The following C5AR2 variants were observed in gnomAD, a reference collection of about 807,000 sequenced individuals.
The protein encoded by C5AR2 is C5a anaphylatoxin chemotactic receptor 2.
For missense variants in C5AR2, 458 were observed against 467.5 expected, an observed-to-expected ratio of 0.98 and a Z score of 0.19; for synonymous variants, 224 against 216.5, an observed-to-expected ratio of 1.03 and a Z score of -0.30.
intron 1 of C5AR2, 136 bp from the exon 2 acceptor site, chr19:47,340,649 T>A: frequency 1.3e-6 from 1 of 787,404 alleles, no homozygotes; most frequent in South Asian, 1.5e-5. Flanking sequence ...ATTCCAATAT[T>A]CTAAAGCACT....
At position 47,346,106 on chromosome 19, in the gene C5AR2, T is replaced by C. The variant is rs925554919; in HGVS notation, c.*4293T>C. On this transcript the variant is annotated 3_prime_UTR_variant, in exon 2 of 2. Transcript: ENST00000595464. ...GGTTTCGCCATATTAGCCAGGCTGGTCTTGAACTCCTGACTCAGGTGATCT... is the reference window on the plus strand; with the variant it reads ...GGTTTCGCCATATTAGCCAGGCTGGCCTTGAACTCCTGACTCAGGTGATCT... 5.9e-5 allele frequency: 9 copies of C among 152,130 alleles called. No individual in the cohort carries two copies. The highest frequency in any genetic ancestry group is 1.9e-4 in the African/African-American group (8 of 41,492). The allele number at this position is 152,130 out of a possible 1,614,324, so 9.4% of individuals were successfully genotyped here.
At chr19:47,336,033 G>A (rs1356745206) in intron 1 of C5AR2, among the ~76,000 whole-genome samples, 5 of 151,846 alleles carry the variant, frequency 3.3e-5, no homozygotes, top group African/African-American at 1.2e-4. Flanking sequence ...GATAGTTTAG[G>A]TGACTTGCCC....
Position 47,341,162 on chromosome 19 carries a change from C to A in C5AR2, c.363C>A (p.Ser121Arg). The change falls in exon 2 of 2, where the codon AGC (serine) becomes AGA (arginine). Residue 121 changes from serine to arginine, a missense_variant. Coordinates refer to ENST00000595464, the MANE Select transcript of C5AR2 (RefSeq NM_001271749.2). This position sits in a 1 kb window ranked among gnomAD's most constrained non-coding sequence, Gnocchi z 4.6. ...PSIILLTMYA[S>R]VLLLAALSAD... Reference sequence around the variant, plus strand: ...TCATCCTGCTGACCATGTATGCCAGCGTCCTGCTCCTGGCAGCTCTCAGTG... The same window carrying A: ...TCATCCTGCTGACCATGTATGCCAGAGTCCTGCTCCTGGCAGCTCTCAGTG... 6.2e-7 allele frequency: 1 copy of A among 1,601,156 alleles called. No homozygotes were observed. Among genetic ancestry groups the A allele is most frequent in the Non-Finnish European group, 8.5e-7 (1 of 1,179,886 alleles).
intron 1 of C5AR2, chr19:47,337,129 C>G (rs569393786): frequency 1.3e-5 from 2 of 152,574 alleles, no homozygotes; most frequent in South Asian, 4.1e-4. Flanking sequence ...GTGCCACGTG[C>G]TGGACAAATC....
intron 1 of C5AR2, among the ~76,000 whole-genome samples, chr19:47,333,424 T>C (rs192535523): frequency 2.0e-5 from 3 of 152,262 alleles, no homozygotes; most frequent in Admixed American, 6.6e-5. Context: ...CTGCTGTGGG[T>C]GGCTATTTGG....
chr19:47,337,804 C>T (rs2059364152), intron 1 of C5AR2, among the ~76,000 whole-genome samples: 1 of 152,100 alleles, frequency 6.6e-6, no homozygotes, highest in Non-Finnish European at 1.5e-5. Context: ...GGCACGGTGG[C>T]TCATGCCTGT....
In C5AR2 at chr19:47,340,876, G is replaced by T. The variant is rs1169983168; in HGVS notation, c.77G>T (p.Gly26Val). The change falls in exon 2 of 2, where the codon GGC becomes GTC. Residue 26 changes from glycine (G) to valine (V), a missense_variant. Coordinates refer to ENST00000595464, the MANE Select transcript of C5AR2 (RefSeq NM_001271749.2). ...GACCGCCCTGTGGACTGCCTGGATG[G>T]CGCCTGCCTGGCCATCGACCCGCTG... is the stretch of plus-strand genomic sequence containing the variant. ...LSDRPVDCLDGACLAIDPLRV... is the reference protein window; with the variant it reads ...LSDRPVDCLDVACLAIDPLRV... 2 of 1,613,414 alleles carry T rather than the reference G, an allele frequency of 1.2e-6. No homozygotes were observed. The highest frequency in any genetic ancestry group is 2.7e-5 in the African/African-American group (2 of 74,940).
chr19:47,341,439 G>T lies in C5AR2; in HGVS notation c.640G>T (p.Val214Leu). The change falls in exon 2 of 2, where the codon GTG (valine) becomes TTG (leucine). Residue 214 changes from valine (V) to leucine (L), a missense_variant. By Grantham distance (32) the Val-to-Leu change is conservative. Transcript: ENST00000595464. This position sits in a 1 kb window ranked among gnomAD's most constrained non-coding sequence, Gnocchi z 4.6. ...RFLFGFLGPL[V>L]AVASCHSALL... ...TCTTTTTGGCTTCCTGGGGCCCCTG[G>T]TGGCCGTGGCCAGCTGCCACAGTGC... 6.2e-7 allele frequency: 1 copy of T among 1,612,032 alleles called. No individual in the cohort carries two copies. The highest frequency in any genetic ancestry group is 8.5e-7 in the Non-Finnish European group (1 of 1,179,870).
At chr19:47,335,263 A>C (rs1248501060) in intron 1 of C5AR2, among the ~76,000 whole-genome samples, 1 of 152,080 alleles carries the variant, frequency 6.6e-6, no homozygotes, top group Non-Finnish European at 1.5e-5. Flanking sequence ...ACTTGGGCAG[A>C]CAGTGGACTG....
chr19:47,336,702 T>G (rs544986856), intron 1 of C5AR2, among the ~76,000 whole-genome samples: 3 of 151,752 alleles, frequency 2.0e-5, no homozygotes, highest in Non-Finnish European at 4.4e-5. Flanking sequence ...AGACAGAGGG[T>G]CTCACTGTGT....
intron 1 of C5AR2, among the ~76,000 whole-genome samples, chr19:47,332,562 AT>A (rs893835586): frequency 3.9e-5 from 6 of 151,992 alleles, no homozygotes; most frequent in South Asian, 4.2e-4. Context: ...GGATCTAAGC[AT>A]TTTTTTTCTT....
rs2122174597 is a variant in C5AR2 at position 47,341,856 on chromosome 19, A to T, written c.*43A>T. The T allele has an allele frequency of 6.4e-7, 1 of 1,571,754 alleles. No homozygotes were observed. The highest frequency in any genetic ancestry group is 8.7e-7 in the Non-Finnish European group (1 of 1,146,890). ...GGTGTGTATCTTCTTATCTCATTTC[A>T]CAAGACTGGCTTCAGGCATAGCTGG... On this transcript the variant is annotated 3_prime_UTR_variant, in exon 2 of 2. Transcript: ENST00000595464. The surrounding 1 kb of genome is among the most constrained non-coding windows in gnomAD (Gnocchi z 4.6).
chr19:47,340,708 G>A (rs530750438), intron 1 of C5AR2, 77 bp from the exon 2 acceptor site: 388 of 1,366,986 alleles, frequency 2.8e-4, no homozygotes, highest in Middle Eastern at 2.3e-3. Context: ...TGGTGGGCCG[G>A]GCTGATGGAC....
At position 47,344,637 on chromosome 19, in the gene C5AR2, C is replaced by T. The variant is rs1969092813; in HGVS notation, c.*2824C>T. 1 of 152,170 alleles carries T rather than the reference C, an allele frequency of 6.6e-6. No individual in the cohort carries two copies. Among genetic ancestry groups the T allele is most frequent in the Non-Finnish European group, 1.5e-5 (1 of 68,040 alleles). 9.4% of individuals were successfully genotyped at this position (152,170 alleles called of 1,614,324 possible). ...CAAGGCGTCCCTCAAATGTCACTTCCTCCAGGAAGCCCTCCCTGATTTATG... is the reference window on the plus strand; with the variant it reads ...CAAGGCGTCCCTCAAATGTCACTTCTTCCAGGAAGCCCTCCCTGATTTATG... On this transcript the variant is annotated 3_prime_UTR_variant, in exon 2 of 2. Transcript: ENST00000595464.
chr19:47,347,133 TG>T lies in C5AR2; in HGVS notation c.*5321del, dbSNP rs1289122527. ...CTAAAGTTTGTCTATTTCTGCTATT[TG>T]TTTTTTTACCATAGAAATATTGATT... is the stretch of plus-strand genomic sequence containing the variant. On this transcript the variant is annotated 3_prime_UTR_variant, in exon 2 of 2. Coordinates refer to ENST00000595464, the MANE Select transcript of C5AR2 (RefSeq NM_001271749.2). 8 of 152,294 alleles carry T rather than the reference TG, an allele frequency of 5.3e-5. 1 individual carries two copies. The highest frequency in any genetic ancestry group is 1.7e-4 in the African/African-American group (7 of 41,586). 9.4% of individuals were successfully genotyped at this position (152,294 alleles called of 1,614,324 possible). A position where few individuals can be genotyped will look rare whatever the true frequency, so the allele number is the denominator to read the frequency against.
At position 47,334,064 on chromosome 19, in the gene C5AR2, C is replaced by T. The variant is rs12973036; in HGVS notation, c.-16+1715C>T. Among the ~76,000 whole-genome samples the T allele has an allele frequency of 3.6e-3, 544 of 152,198 alleles. 3 individuals are homozygous for T. Among genetic ancestry groups the T allele is most frequent in the Middle Eastern group, 6.8e-3 (2 of 294 alleles). ...TTTTATCCTTTCACTTACCAAATAT[C>T]GACCATGCCTGTGCTGTGTGCCAGG... On this transcript the variant is annotated intron_variant, in intron 1 of 1. Coordinates refer to ENST00000595464, the MANE Select transcript of C5AR2 (RefSeq NM_001271749.2).
chr19:47,332,709 C>G (rs1218522054), intron 1 of C5AR2, among the ~76,000 whole-genome samples: 1 of 151,982 alleles, frequency 6.6e-6, no homozygotes, highest in Non-Finnish European at 1.5e-5. Flanking sequence ...CGCATGCCAC[C>G]ATGCCTGGCT....
rs1319336823 is a variant in C5AR2, at chr19:47,341,502, G to A, written c.703G>A (p.Gly235Ser). 4 of 1,611,884 alleles carry A rather than the reference G, an allele frequency of 2.5e-6. No individual in the cohort carries two copies. The African/African-American group carries it at 4.0e-5, about 16-fold the overall frequency. Residue 235 changes from glycine to serine, a missense_variant, in exon 2 of 2, where the codon GGC becomes AGC. Gly to Ser is a moderately conservative substitution (Grantham distance 56, BLOSUM62 0). Transcript: ENST00000595464. This position sits in a 1 kb window ranked among gnomAD's most constrained non-coding sequence, Gnocchi z 4.6. Reference protein sequence around the residue: ...CWAARRCRPLGTAIVVGFFVC... With the variant: ...CWAARRCRPLSTAIVVGFFVC... The stretch of plus-strand genomic sequence containing the variant: ...GGCAGCCCGACGCTGCCGGCCGCTG[G>A]GCACAGCCATTGTGGTGGGGTTTTT...
Position 47,342,092 on chromosome 19 carries a change from C to T in C5AR2, c.*279C>T, listed in dbSNP as rs755185470. On this transcript the variant is annotated 3_prime_UTR_variant, in exon 2 of 2. Transcript: ENST00000595464. ...ATATAGGGCCATTTGCGGTGGCTCA[C>T]GCCTGTAATTCCAGGGCTTTGGGAG... 149 of 343,862 alleles carry T rather than the reference C, an allele frequency of 4.3e-4. No individual in the cohort carries two copies. Among genetic ancestry groups the T allele is most frequent in the Non-Finnish European group, 6.6e-4 (120 of 180,790 alleles). The allele number at this position is 343,862 out of a possible 1,614,324, so 21.3% of individuals were successfully genotyped here. A position where few individuals can be genotyped will look rare whatever the true frequency, so the allele number is the denominator to read the frequency against.
Sources: gnomAD v4.1 joint callset for allele counts (sites outside exome capture counted in the v4.1 genomes callset) on GRCh38, gnomAD v4.1.1 for gene constraint, Gnocchi (gnomAD v3.1) non-coding constraint, MANE v1.5 for transcripts, NCBI Gene and HGNC (gene_info 2026-07-23, HGNC 2026-07-21) for gene names.